The following AAK1 variants were observed in gnomAD, a reference collection of about 807,000 sequenced individuals.
The protein encoded by AAK1 is AP2-associated protein kinase 1.
AAK1 carries 37 observed loss-of-function variants against 116.0 expected under a neutral mutation model. That is an observed-to-expected ratio of 0.32 (90% CI 0.25 to 0.42). The LOEUF is 0.42. Ranked by LOEUF, AAK1 falls within the 10% of genes least tolerant of loss-of-function variation. The pLI, the probability that AAK1 is intolerant of heterozygous loss-of-function variation, is 1.00. For synonymous variants in AAK1, 458 were observed against 439.9 expected, an observed-to-expected ratio of 1.04 and a Z score of -0.51; for missense variants, 919 against 1,170.6, an observed-to-expected ratio of 0.79 and a Z score of 3.14.
chr2:69,624,482 G>A (rs1352033541), intron 2 of AAK1, among the ~76,000 whole-genome samples: 2 of 152,198 alleles, frequency 1.3e-5, no homozygotes, highest in African/African-American at 4.8e-5. Context: ...TTTTTGCAAA[G>A]TCTTGAAGAA....
intron 2 of AAK1, among the ~76,000 whole-genome samples, chr2:69,617,423 T>C (rs912566345): frequency 5.9e-5 from 9 of 152,342 alleles, no homozygotes; most frequent in Non-Finnish European, 1.0e-4. Flanking sequence ...TGGGCATAGT[T>C]TCTCCTTTGC....
At position 69,466,963 on chromosome 2, in the gene AAK1, A is replaced by C. The variant is rs1383131075; in HGVS notation, c.*8906T>G. 2 of 985,426 alleles carry C rather than the reference A, an allele frequency of 2.0e-6. No individual in the cohort carries two copies. The highest frequency in any genetic ancestry group is 2.4e-6 in the Non-Finnish European group (2 of 829,918). The allele number at this position is 985,426 out of a possible 1,614,324, so 61.0% of individuals were successfully genotyped here. On this transcript the variant is annotated 3_prime_UTR_variant, in exon 22 of 22. Coordinates refer to ENST00000409085, the MANE Select transcript of AAK1 (RefSeq NM_014911.5). ...TATGTAGAAACACTGTCTGGGGATG[A>C]CTCAATTCAGAATCTGGCATGTGGT...
At chr2:69,585,427 T>C (rs1672722791) in intron 2 of AAK1, among the ~76,000 whole-genome samples, 1 of 152,110 alleles carries the variant, frequency 6.6e-6, no homozygotes, top group South Asian at 2.1e-4. Flanking sequence ...GACCTCTGGT[T>C]AACATTTATG....
chr2:69,604,306 C>T (rs1273561930), intron 2 of AAK1, among the ~76,000 whole-genome samples: 1 of 152,166 alleles, frequency 6.6e-6, no homozygotes, highest in African/African-American at 2.4e-5. Context: ...TTCGTGTTGT[C>T]ATGAACTTCT....
At chr2:69,583,851 C>T (rs1056709032) in intron 2 of AAK1, among the ~76,000 whole-genome samples, 5 of 152,086 alleles carry the variant, frequency 3.3e-5, no homozygotes, top group East Asian at 1.9e-4. Flanking sequence ...TTTCAAGCTA[C>T]GGATCTTCAT....
intron 2 of AAK1, among the ~76,000 whole-genome samples, chr2:69,562,258 T>G (rs1019794815): frequency 3.3e-5 from 5 of 152,216 alleles, no homozygotes; most frequent in African/African-American, 1.2e-4. Flanking sequence ...TATTTTTCAT[T>G]TTAGCTATTC....
At position 69,460,547 on chromosome 2, in the gene AAK1, G is replaced by A. The variant is rs926462380; in HGVS notation, c.*15322C>T. ...TAAGATACCAGTATCTTTCTAGAACGTTTAGAAAGAGATCTTAGTTGCCAG... is the reference window on the plus strand; with the variant it reads ...TAAGATACCAGTATCTTTCTAGAACATTTAGAAAGAGATCTTAGTTGCCAG... On this transcript the variant is annotated 3_prime_UTR_variant, in exon 22 of 22. Coordinates refer to ENST00000409085, the MANE Select transcript of AAK1 (RefSeq NM_014911.5). The A allele has an allele frequency of 6.6e-6, 1 of 152,136 alleles. No individual in the cohort carries two copies. Among genetic ancestry groups the A allele is most frequent in the Non-Finnish European group, 1.5e-5 (1 of 68,026 alleles). The allele number at this position is 152,136 out of a possible 1,614,324, so 9.4% of individuals were successfully genotyped here. A position where few individuals can be genotyped will look rare whatever the true frequency, so the allele number is the denominator to read the frequency against.
intron 13 of AAK1, among the ~76,000 whole-genome samples, chr2:69,510,488 T>G (rs1056547183): frequency 6.6e-6 from 1 of 152,250 alleles, no homozygotes; most frequent in Non-Finnish European, 1.5e-5. Context: ...TTTGCTGTTA[T>G]GAATAGTGCT....
At chr2:69,604,307 A>G (rs1215837062) in intron 2 of AAK1, among the ~76,000 whole-genome samples, 2 of 152,174 alleles carry the variant, frequency 1.3e-5, no homozygotes, top group Non-Finnish European at 2.9e-5. Flanking sequence ...TCGTGTTGTC[A>G]TGAACTTCTG....
At chr2:69,540,057 T>C (rs1319919710) in intron 5 of AAK1, among the ~76,000 whole-genome samples, 2 of 152,262 alleles carry the variant, frequency 1.3e-5, no homozygotes, top group African/African-American at 2.4e-5. Context: ...CACAGAATTA[T>C]GTACTTGTGC....
At chr2:69,564,216 G>A (rs1185243641) in intron 2 of AAK1, among the ~76,000 whole-genome samples, 3 of 151,716 alleles carry the variant, frequency 2.0e-5, no homozygotes, top group Non-Finnish European at 2.9e-5. Context: ...AAAGAAAAAA[G>A]AAAAGAAAAG....
In AAK1 at chr2:69,616,948, T is replaced by C. The variant is rs149072609; in HGVS notation, c.163+25930A>G. On this transcript the variant is annotated intron_variant, in intron 2 of 21. Transcript: ENST00000409085. Reference sequence around the variant, plus strand: ...CCACCCACGAGGGACCTGGACATGCTGCTTTCTGCCTGTGTCACTTGCCAG... The same window carrying C: ...CCACCCACGAGGGACCTGGACATGCCGCTTTCTGCCTGTGTCACTTGCCAG... Among the ~76,000 whole-genome samples the C allele has an allele frequency of 6.4e-3, 971 of 152,292 alleles. 22 individuals are homozygous for C. Among genetic ancestry groups the C allele is most frequent in the East Asian group, 0.012 (63 of 5,186 alleles).
chr2:69,592,974 T>A, intron 2 of AAK1, among the ~76,000 whole-genome samples: 1 of 152,228 alleles, frequency 6.6e-6, no homozygotes, highest in Admixed American at 6.5e-5. Flanking sequence ...TGCGTCACAT[T>A]CCCTAAAATG....
chr2:69,552,504 G>A (rs965373219), intron 3 of AAK1, among the ~76,000 whole-genome samples: 1 of 152,118 alleles, frequency 6.6e-6, no homozygotes, highest in Non-Finnish European at 1.5e-5. Flanking sequence ...CTTGGGTCAG[G>A]AGTTGAGGAC....
chr2:69,538,037 T>C (rs1180004348), intron 5 of AAK1, among the ~76,000 whole-genome samples: 4 of 152,208 alleles, frequency 2.6e-5, no homozygotes, highest in Non-Finnish European at 5.9e-5. Flanking sequence ...GCTCTCCTTA[T>C]CTGCAGGTTT....
rs1010248295 is a variant in AAK1 at position 69,470,532 on chromosome 2, G to A, written c.*5337C>T. On this transcript the variant is annotated 3_prime_UTR_variant, in exon 22 of 22. Transcript: ENST00000409085. Reference sequence around the variant, plus strand: ...GGCCAGCTGTGCCTCTCAGGCCAATGAGGCAATTAAATGAGTGAGTTTTCT... The same window carrying A: ...GGCCAGCTGTGCCTCTCAGGCCAATAAGGCAATTAAATGAGTGAGTTTTCT... The A allele has an allele frequency of 7.1e-6, 7 of 985,446 alleles. No homozygotes were observed. Among genetic ancestry groups the A allele is most frequent in the Middle Eastern group, 5.2e-4 (1 of 1,914 alleles). The allele number at this position is 985,446 out of a possible 1,614,324, so 61.0% of individuals were successfully genotyped here. A position where few individuals can be genotyped will look rare whatever the true frequency, so the allele number is the denominator to read the frequency against.
intron 2 of AAK1, among the ~76,000 whole-genome samples, chr2:69,633,103 C>T (rs974776270): frequency 4.6e-5 from 7 of 150,646 alleles, no homozygotes; most frequent in Non-Finnish European, 1.5e-5. Context: ...CACCTGTAGT[C>T]CCAGCTACTC....
chr2:69,476,880 C>T lies in AAK1; in HGVS notation c.2791G>A (p.Gly931Ser). Reference sequence around the variant, plus strand: ...CTCTTTTCCCCATCCTTTTTCTTACCTTGTGGGTTTTTGGTTATCAATACA... The same window carrying T: ...CTCTTTTCCCCATCCTTTTTCTTACTTTGTGGGTTTTTGGTTATCAATACA... ...IPVLITKNPQ[G>S]GHSRNSSGSS... Residue 931 changes from glycine to serine, a missense_variant and splice_region_variant, in exon 21 of 22, where the codon GGT (glycine) becomes AGT (serine). Gly to Ser is a moderately conservative substitution (Grantham distance 56). Transcript: ENST00000409085. 2 of 1,611,396 alleles carry T rather than the reference C, an allele frequency of 1.2e-6. No individual in the cohort carries two copies. The highest frequency in any genetic ancestry group is 1.7e-6 in the Non-Finnish European group (2 of 1,178,258).
chr2:69,465,775 C>G lies in AAK1; in HGVS notation c.*10094G>C. On this transcript the variant is annotated 3_prime_UTR_variant, in exon 22 of 22. Coordinates refer to ENST00000409085, the MANE Select transcript of AAK1 (RefSeq NM_014911.5). ...CTGGGAGAGATGCTGTCCAGATGGTCTGCTGCTTGTACAGAATGGGACAGG... is the reference window on the plus strand; with the variant it reads ...CTGGGAGAGATGCTGTCCAGATGGTGTGCTGCTTGTACAGAATGGGACAGG... 2 of 1,290,878 alleles carry G rather than the reference C, an allele frequency of 1.5e-6. No individual in the cohort carries two copies. The highest frequency in any genetic ancestry group is 2.5e-5 in the South Asian group (2 of 81,024). The allele number at this position is 1,290,878 out of a possible 1,614,324, so 80.0% of individuals were successfully genotyped here. A position where few individuals can be genotyped will look rare whatever the true frequency, so the allele number is the denominator to read the frequency against.
Sources: allele counts gnomAD v4.1 joint callset (sites outside exome capture counted in the v4.1 genomes callset), GRCh38; gene constraint gnomAD v4.1.1; transcripts MANE v1.5; gene names NCBI Gene and HGNC (gene_info 2026-07-23, HGNC 2026-07-21).